Variants in PLXNA3 observed in about 807,000 individuals in gnomAD.
The protein encoded by PLXNA3 is plexin-A3.
Under a neutral mutation model 118.8 loss-of-function variants are expected in PLXNA3, and 52 were observed. That is an observed-to-expected ratio of 0.44 (90% CI 0.35 to 0.55). The LOEUF is 0.55. PLXNA3 is among the 20% of genes least tolerant of loss of function. The pLI, the probability that PLXNA3 is intolerant of heterozygous loss-of-function variation, is 0.01. For synonymous variants in PLXNA3, 925 were observed against 762.4 expected (o/e 1.21, Z -3.51); for missense variants, 1,660 against 1,730.8 (o/e 0.96, Z 0.73).
At position 154,463,579 on chromosome X, in the gene PLXNA3, G is replaced by A; in HGVS notation, c.1447-11G>A. 1 of 1,186,717 alleles carries A rather than the reference G, an allele frequency of 8.4e-7. No individual in the cohort carries two copies. Among genetic ancestry groups the A allele is most frequent in the Non-Finnish European group, 1.1e-6 (1 of 883,752 alleles). On this transcript the variant is annotated splice_polypyrimidine_tract_variant and intron_variant, in intron 5 of 32. Transcript: ENST00000369682. Reference sequence around the variant, plus strand: ...CGGGGGTGGGCTGGGTGCTGATGTGGCTGTCCCCAGGTGAGCCAGCTCCCG... The same window carrying A: ...CGGGGGTGGGCTGGGTGCTGATGTGACTGTCCCCAGGTGAGCCAGCTCCCG...
intron 1 of PLXNA3, 84 bp from the exon 2 acceptor site, chrX:154,460,073 C>G (rs1248598918): frequency 3.8e-6 from 2 of 528,818 alleles, no homozygotes; most frequent in South Asian, 2.9e-5. Flanking sequence ...CGGTGGCCAT[C>G]TGGGGCTTTG....
intron 4 of PLXNA3, 123 bp from the exon 5 acceptor site, chrX:154,463,268 G>C: frequency 1.0e-6 from 1 of 994,283 alleles, no homozygotes; most frequent in Non-Finnish European, 1.4e-6. Context: ...CTGTGGGTGT[G>C]AGTGCTGAAC....
At chrX:154,462,090 A>ACCG in intron 3 of PLXNA3, 38 bp from the exon 4 acceptor site, 2 of 1,114,471 alleles carry the variant, frequency 1.8e-6, no homozygotes, top group Non-Finnish European at 1.2e-6. Flanking sequence ...TGCGCCTGGG[A>ACCG]GCTTTGACTC....
In PLXNA3 at chrX:154,462,436, G is replaced by T. The variant is rs1193714307; in HGVS notation, c.1317+126G>T. 9.4e-6 allele frequency: 5 copies of T among 533,982 alleles called. No individual in the cohort carries two copies. In the South Asian group the frequency reaches 2.0e-4, roughly 22 times the overall value. 44.0% of individuals were successfully genotyped at this position (533,982 alleles called of 1,213,427 possible). ...AGGACACGGCTGGTGCAGGGAGGGA[G>T]ATTTCCCTGGCTGGGTCCCAGGCGC... On this transcript the variant is annotated intron_variant, in intron 4 of 32. Transcript: ENST00000369682.
intron 32 of PLXNA3, among the ~76,000 whole-genome samples, chrX:154,472,294 G>A (rs888391586): frequency 1.8e-5 from 2 of 110,960 alleles, no homozygotes; most frequent in African/African-American, 6.6e-5. Flanking sequence ...GGGTCCTGGC[G>A]CGAGGGAGGC....
intron 3 of PLXNA3, 135 bp from the exon 4 acceptor site, chrX:154,461,993 C>G (rs2068975466): frequency 1.9e-6 from 1 of 523,386 alleles, no homozygotes; most frequent in African/African-American, 2.4e-5. Flanking sequence ...CTGGAGCACC[C>G]TAGGGCGAGC....
At position 154,464,448 on chromosome X, in the gene PLXNA3, C is replaced by T. The variant is rs782219354; in HGVS notation, c.1875C>T (p.Gly625=). The T allele has an allele frequency of 2.5e-6, 3 of 1,211,192 alleles. No homozygotes were observed. The highest frequency in any genetic ancestry group is 1.8e-5 in the South Asian group (1 of 57,005). The change falls in exon 9 of 33, where the codon GGC becomes GGT. Residue 625 remains glycine, a synonymous_variant. Coordinates refer to ENST00000369682, the MANE Select transcript of PLXNA3 (RefSeq NM_017514.5). ...VRLQLLSKET[G]VRFAGADFVF... ...TGCAGCTTCTCTCCAAGGAGACAGG[C>T]GTGAGGTTTGCCGGTGCTGACTTTG... is the stretch of plus-strand genomic sequence containing the variant.
intron 4 of PLXNA3, among the ~76,000 whole-genome samples, chrX:154,462,529 G>A (rs973440427): frequency 3.6e-5 from 4 of 112,450 alleles, no homozygotes; most frequent in African/African-American, 1.3e-4. Flanking sequence ...ACTGTGGACT[G>A]AATTGCCAGC....
Position 154,471,153 on chromosome X carries a change from G to A in PLXNA3, c.5205G>A (p.Val1735=). ...ATGTGATCAAGAACCCGCAGTTCGTGTTCGACATCCACAAGAACAGCATCA... is the reference window on the plus strand; with the variant it reads ...ATGTGATCAAGAACCCGCAGTTCGTATTCGACATCCACAAGAACAGCATCA... The part of the protein sequence containing the change: ...WVNVIKNPQF[V]FDIHKNSITD... Residue 1735 remains valine (V), a synonymous_variant, in exon 31 of 33, where the codon GTG becomes GTA. Transcript: ENST00000369682. The A allele has an allele frequency of 1.7e-6, 2 of 1,211,291 alleles. No homozygotes were observed. Among genetic ancestry groups the A allele is most frequent in the Non-Finnish European group, 2.2e-6 (2 of 895,282 alleles).
chrX:154,471,596 G>A lies in PLXNA3; in HGVS notation c.5478G>A (p.Ala1826=), dbSNP rs149665008. ...LHASDFSVLS[A]LNELYFYVTK... ...CCAGCGACTTCAGCGTCCTGAGTGCGCTCAACGAGCTGTATTTCTATGTCA... is the reference window on the plus strand; with the variant it reads ...CCAGCGACTTCAGCGTCCTGAGTGCACTCAACGAGCTGTATTTCTATGTCA... The change falls in exon 32 of 33, where the codon GCG becomes GCA. Residue 1826 remains alanine, a synonymous_variant. Coordinates refer to ENST00000369682, the MANE Select transcript of PLXNA3 (RefSeq NM_017514.5). 4.5e-5 allele frequency: 55 copies of A among 1,209,150 alleles called. No homozygotes were observed. In the African/African-American group the frequency reaches 6.6e-4, roughly 15 times the overall value.
intron 12 of PLXNA3, 27 bp from the exon 13 acceptor site, chrX:154,465,630 C>T (rs782582495): frequency 4.2e-6 from 5 of 1,196,748 alleles, no homozygotes; most frequent in South Asian, 1.8e-5. Context: ...CTGCCTGCTC[C>T]GTCAGCAGTG....
Position 154,471,585 on chromosome X carries a change from G to A in PLXNA3, c.5467G>A (p.Val1823Ile), listed in dbSNP as rs782426462. ...CCGCCTCCACGCCAGCGACTTCAGC[G>A]TCCTGAGTGCGCTCAACGAGCTGTA... is the stretch of plus-strand genomic sequence containing the variant. ...QSRLHASDFS[V>I]LSALNELYFY... Residue 1823 changes from valine (V) to isoleucine (I), a missense_variant, in exon 32 of 33, where the codon GTC (valine) becomes ATC (isoleucine). Val to Ile is a conservative substitution (Grantham distance 29). Around this residue, in one of 2 missense-constraint regions of PLXNA3, gnomAD observed 869 missense variants for 1,078.7 expected, o/e 0.81. Transcript: ENST00000369682. The A allele has an allele frequency of 1.9e-4, 235 of 1,209,714 alleles. 1 individual carries two copies. Among genetic ancestry groups the A allele is most frequent in the South Asian group, 1.4e-3 (81 of 56,874 alleles).
rs1557209489 is a variant in PLXNA3, at chrX:154,471,479, T to A, written c.5370-9T>A. The A allele has an allele frequency of 8.4e-7, 1 of 1,194,782 alleles. No homozygotes were observed. ...TGTCGCCTGAGTGACATACTCAGGGTCCCAACAGGTATTATCGAGACATTG... is the reference window on the plus strand; with the variant it reads ...TGTCGCCTGAGTGACATACTCAGGGACCCAACAGGTATTATCGAGACATTG... On this transcript the variant is annotated splice_polypyrimidine_tract_variant and intron_variant, in intron 31 of 32. Transcript: ENST00000369682.
chrX:154,464,949 T>G (rs2069052909), intron 10 of PLXNA3, 69 bp from the exon 11 acceptor site: 1 of 1,088,827 alleles, frequency 9.2e-7, no homozygotes, highest in Admixed American at 2.6e-5. Flanking sequence ...TCGGTTTCTT[T>G]GAGCCTTCTC....
At chrX:154,461,834 C>T (rs1204719416) in intron 3 of PLXNA3, among the ~76,000 whole-genome samples, 196 bp downstream of exon 3, 3 of 112,298 alleles carry the variant, frequency 2.7e-5, no homozygotes, top group Non-Finnish European at 5.6e-5. Flanking sequence ...CAGTGCCCCA[C>T]TTCTGCTTCC....
rs1463217812 is a variant in PLXNA3, at chrX:154,462,211, G to T, written c.1218G>T (p.Leu406=). The T allele has an allele frequency of 1.7e-6, 2 of 1,203,680 alleles. No homozygotes were observed. The highest frequency in any genetic ancestry group is 2.2e-5 in the Admixed American group (1 of 45,353). The change falls in exon 4 of 33, where the codon CTG becomes CTT. Residue 406 remains leucine, a synonymous_variant. Coordinates refer to ENST00000369682, the MANE Select transcript of PLXNA3 (RefSeq NM_017514.5). Reference sequence around the variant, plus strand: ...TGCATGTGATCGAGGGGCTGCCCCTGCTGGCCGACAGCACCGACGGCATGG... The same window carrying T: ...TGCATGTGATCGAGGGGCTGCCCCTTCTGGCCGACAGCACCGACGGCATGG... The part of the protein sequence containing the change: ...GGLHVIEGLP[L]LADSTDGMAS...
Position 154,464,240 on chromosome X carries a change from C to T in PLXNA3, c.1755C>T (p.Val585=). Residue 585 remains valine, a synonymous_variant, in exon 8 of 33, where the codon GTC becomes GTT. Coordinates refer to ENST00000369682, the MANE Select transcript of PLXNA3 (RefSeq NM_017514.5). ...AGGCGGCGGCGGAGAACGAGGCGGT[C>T]CTGCTGCCCTCCGGTGAACTGCTCT... ...AFEAAAENEA[V]LLPSGELLCP... 8.3e-7 allele frequency: 1 copy of T among 1,208,310 alleles called. No individual in the cohort carries two copies. The highest frequency in any genetic ancestry group is 1.1e-6 in the Non-Finnish European group (1 of 894,703).
rs782112384 is a variant in PLXNA3 at position 154,458,341 on chromosome X, G to T, written c.-115G>T. 163 of 110,285 alleles carry T rather than the reference G, an allele frequency of 1.5e-3. No homozygotes were observed. The highest frequency in any genetic ancestry group is 2.7e-3 in the Non-Finnish European group (139 of 52,015). The allele number at this position is 110,285 out of a possible 1,213,427, so 9.1% of individuals were successfully genotyped here. A position where few individuals can be genotyped will look rare whatever the true frequency, so the allele number is the denominator to read the frequency against. On this transcript the variant is annotated 5_prime_UTR_variant, in exon 1 of 33. Coordinates refer to ENST00000369682, the MANE Select transcript of PLXNA3 (RefSeq NM_017514.5). ...GGGGCCCGGGGCGCGGGGCGAGGCC[G>T]TGGGGACGTGCGAGCGGGGCCGCGG...
At chrX:154,459,469 C>T (rs1271585062) in intron 1 of PLXNA3, among the ~76,000 whole-genome samples, 3 of 112,498 alleles carry the variant, frequency 2.7e-5, no homozygotes, top group Non-Finnish European at 3.8e-5. Flanking sequence ...CTCCAGTGAA[C>T]CCCTGGGTCT....
Sources: allele counts gnomAD v4.1 joint callset (sites outside exome capture counted in the v4.1 genomes callset), GRCh38; gene constraint gnomAD v4.1.1; regional missense constraint gnomAD v4.1.1; transcripts MANE v1.5; gene names NCBI Gene and HGNC (gene_info 2026-07-23, HGNC 2026-07-21).